The following ADGRL3 variants were observed in gnomAD, a reference collection of about 807,000 sequenced individuals.
ADGRL3 encodes the protein calcium-independent alpha-latrotoxin receptor 3.
ADGRL3 carries 62 observed loss-of-function variants against 153.5 expected under a neutral mutation model. That is an observed-to-expected ratio of 0.40 (90% CI 0.33 to 0.50). The LOEUF is 0.50. ADGRL3 is among the 20% of genes least tolerant of loss of function. The probability of loss-of-function intolerance (pLI) is 0.47; values close to 1 mark genes in which losing one functional copy is unlikely to be tolerated. For missense variants in ADGRL3, 1,641 were observed against 1,859.4 expected (o/e 0.88, Z 2.16); for synonymous variants, 710 against 672.5 (o/e 1.06, Z -0.86).
intron 8 of ADGRL3, among the ~76,000 whole-genome samples, chr4:61,744,935 A>G (rs9998958): frequency 3.3e-5 from 5 of 151,870 alleles, no homozygotes; most frequent in East Asian, 3.9e-4. Context: ...GGAGGAAATT[A>G]AAACCAAAGG....
At chr4:61,625,122 A>G (rs2092756561) in intron 5 of ADGRL3, among the ~76,000 whole-genome samples, 1 of 152,124 alleles carries the variant, frequency 6.6e-6, no homozygotes, top group Admixed American at 6.6e-5. Context: ...TCTTGTATGT[A>G]GTTACATTAA....
chr4:61,813,322 A>T (rs538575962), intron 8 of ADGRL3, among the ~76,000 whole-genome samples: 1 of 152,282 alleles, frequency 6.6e-6, no homozygotes, highest in African/African-American at 2.4e-5. Flanking sequence ...TGAACCCTGG[A>T]GGCGGAGGTT....
chr4:61,279,392 G>A (rs1233168962), intron 1 of ADGRL3, among the ~76,000 whole-genome samples: 2 of 152,114 alleles, frequency 1.3e-5, no homozygotes, highest in Non-Finnish European at 2.9e-5. Flanking sequence ...TGTCATCCAG[G>A]TTAGTGTCTT....
chr4:61,292,893 G>A lies in ADGRL3; in HGVS notation c.-239-90231G>A, dbSNP rs574222205. Among the ~76,000 whole-genome samples the A allele has an allele frequency of 6.9e-4, 105 of 152,236 alleles. No individual in the cohort carries two copies. The Middle Eastern group carries it at 0.01, about 15-fold the overall frequency. On this transcript the variant is annotated intron_variant, in intron 1 of 26. Coordinates refer to ENST00000683033, the MANE Select transcript of ADGRL3 (RefSeq NM_001387552.1). ...CTAAGAGTGATTTTTAACAAAATGC[G>A]TACCTGAGTGGCTTGAGTATATCTT...
intron 5 of ADGRL3, among the ~76,000 whole-genome samples, chr4:61,622,284 G>A (rs934953746): frequency 1.3e-5 from 2 of 151,884 alleles, no homozygotes; most frequent in African/African-American, 4.8e-5. Context: ...ATTAAAAAAA[G>A]AGAATGCTAA....
At chr4:61,509,374 C>A (rs995965358) in intron 3 of ADGRL3, among the ~76,000 whole-genome samples, 1 of 152,012 alleles carries the variant, frequency 6.6e-6, no homozygotes, top group South Asian at 2.1e-4. Context: ...GTGATCCACC[C>A]GCCTCAGCCT....
chr4:62,006,499 G>T (rs894310201), intron 21 of ADGRL3, among the ~76,000 whole-genome samples: 4 of 151,412 alleles, frequency 2.6e-5, no homozygotes, highest in Non-Finnish European at 5.9e-5. Context: ...TAACTTGCTG[G>T]ACATCTCAGT....
At chr4:61,682,902 A>G (rs1332289645) in intron 6 of ADGRL3, among the ~76,000 whole-genome samples, 2 of 152,124 alleles carry the variant, frequency 1.3e-5, no homozygotes, top group Admixed American at 6.6e-5. Flanking sequence ...GGGGTCAAAA[A>G]CCAAGATAAA....
chr4:61,261,047 A>G (rs2092468962), intron 1 of ADGRL3, among the ~76,000 whole-genome samples: 1 of 152,040 alleles, frequency 6.6e-6, no homozygotes, highest in South Asian at 2.1e-4. Flanking sequence ...TATTTGTATT[A>G]AGAGAAAAAT....
chr4:61,498,944 T>C (rs2098352349), intron 3 of ADGRL3, among the ~76,000 whole-genome samples: 1 of 152,214 alleles, frequency 6.6e-6, no homozygotes, highest in Non-Finnish European at 1.5e-5. Context: ...CTCTCTCATA[T>C]GTTGATGATA....
rs1186040686 is a variant in ADGRL3 at position 61,682,605 on chromosome 4, T to C, written c.583+5670T>C. Reference sequence around the variant, plus strand: ...TTGTAGACCTAGGGTCTCACTATGTTTCCCAGGCTGGTCTCAAAGCAATCT... The same window carrying C: ...TTGTAGACCTAGGGTCTCACTATGTCTCCCAGGCTGGTCTCAAAGCAATCT... On this transcript the variant is annotated intron_variant, in intron 6 of 26. Transcript: ENST00000683033. Among the ~76,000 whole-genome samples, 2 of 150,850 alleles carry C rather than the reference T, an allele frequency of 1.3e-5. 1 individual carries two copies. Among genetic ancestry groups the C allele is most frequent in the South Asian group, 4.2e-4 (2 of 4,770 alleles).
At chr4:61,577,439 G>C (rs187997482) in intron 4 of ADGRL3, among the ~76,000 whole-genome samples, 1 of 151,892 alleles carries the variant, frequency 6.6e-6, no homozygotes, top group Admixed American at 6.6e-5. Flanking sequence ...AAATTTTCTT[G>C]GCTCCACCAT....
chr4:61,275,567 T>A (rs1051047121), intron 1 of ADGRL3, among the ~76,000 whole-genome samples: 2 of 152,224 alleles, frequency 1.3e-5, no homozygotes, highest in East Asian at 1.9e-4. Flanking sequence ...TCCTGCATAG[T>A]CGATCTAGTC....
At chr4:61,812,301 A>T (rs529574277) in intron 8 of ADGRL3, among the ~76,000 whole-genome samples, 1 of 152,338 alleles carries the variant, frequency 6.6e-6, no homozygotes, top group East Asian at 1.9e-4. Context: ...CAGTCTCTCC[A>T]CTGTCTCTGC....
intron 1 of ADGRL3, among the ~76,000 whole-genome samples, chr4:61,276,567 G>A (rs2093470926): frequency 6.6e-6 from 1 of 152,028 alleles, no homozygotes; most frequent in African/African-American, 2.4e-5. Context: ...TGTGTTTAAG[G>A]AATCATTTTG....
At chr4:61,817,664 T>C (rs1262063645) in intron 9 of ADGRL3, among the ~76,000 whole-genome samples, 1 of 152,106 alleles carries the variant, frequency 6.6e-6, no homozygotes, top group Non-Finnish European at 1.5e-5. Flanking sequence ...TGAGACTGGG[T>C]AATTTATAAA....
intron 2 of ADGRL3, among the ~76,000 whole-genome samples, chr4:61,414,975 A>C (rs2097130195): frequency 6.6e-6 from 1 of 151,984 alleles, no homozygotes; most frequent in Non-Finnish European, 1.5e-5. Context: ...GCTTGTTCTA[A>C]AAATAGTTGG....
At chr4:61,614,208 A>C (rs2091733537) in intron 5 of ADGRL3, among the ~76,000 whole-genome samples, 1 of 152,220 alleles carries the variant, frequency 6.6e-6, no homozygotes, top group African/African-American at 2.4e-5. Flanking sequence ...CTACCAGCAT[A>C]ATGCTCAATA....
At chr4:61,559,719 T>C (rs1170963390) in intron 4 of ADGRL3, among the ~76,000 whole-genome samples, 1 of 152,086 alleles carries the variant, frequency 6.6e-6, no homozygotes, top group Non-Finnish European at 1.5e-5. Context: ...AGCGAAATAT[T>C]TGTGTCTCTC....
Sources: allele counts gnomAD v4.1 joint callset (sites outside exome capture counted in the v4.1 genomes callset), GRCh38; gene constraint gnomAD v4.1.1; transcripts MANE v1.5; gene names NCBI Gene and HGNC (gene_info 2026-07-23, HGNC 2026-07-21).